The following BCL2L13 variants were observed in gnomAD, a reference collection of about 807,000 sequenced individuals.
BCL2L13 encodes the protein BCL2 like 13.
A neutral mutation model predicts 25.8 loss-of-function variants in BCL2L13; 13 were observed. The ratio of observed to expected loss-of-function variants is 0.50; its 90% CI spans 0.33 to 0.80. The LOEUF (loss-of-function observed/expected upper bound fraction) is 0.80, where lower values mean the gene tolerates loss of function less well. Ranked by LOEUF, BCL2L13 falls within the 30% of genes least tolerant of loss-of-function variation. The pLI is 0.02. For missense variants in BCL2L13, 504 were observed against 574.9 expected (o/e 0.88, Z 1.26); for synonymous variants, 244 against 230.3 (o/e 1.06, Z -0.54).
intron 3 of BCL2L13, among the ~76,000 whole-genome samples, chr22:17,685,536 T>C (rs1027606528): frequency 1.3e-5 from 2 of 152,076 alleles, no homozygotes; most frequent in African/African-American, 4.8e-5. Flanking sequence ...CTTAGCATAA[T>C]GTTTTCAAGG....
At chr22:17,680,600 G>C (rs946983150) in intron 2 of BCL2L13, among the ~76,000 whole-genome samples, 2 of 149,342 alleles carry the variant, frequency 1.3e-5, no homozygotes, top group Non-Finnish European at 3.0e-5. Context: ...AGGAGGAAGG[G>C]TTCTCCAGCT....
intron 2 of BCL2L13, among the ~76,000 whole-genome samples, chr22:17,673,357 CTTTCT>C (rs1055569857): frequency 2.4e-5 from 3 of 124,644 alleles, no homozygotes; most frequent in African/African-American, 8.9e-5. Context: ...ATTTTCTTTT[CTTTCT>C]TTTTTTTTTT....
intron 6 of BCL2L13, among the ~76,000 whole-genome samples, chr22:17,722,726 A>G (rs1370659520): frequency 2.8e-4 from 42 of 152,208 alleles, no homozygotes; most frequent in Admixed American, 2.7e-3. Context: ...AATTTCCATA[A>G]GAAAAAACCT....
At chr22:17,667,363 G>A (rs1051413356) in intron 2 of BCL2L13, among the ~76,000 whole-genome samples, 1 of 152,062 alleles carries the variant, frequency 6.6e-6, no homozygotes, top group African/African-American at 2.4e-5. Context: ...GTACAGATGG[G>A]TTTCGCCATG....
At chr22:17,650,650 A>G (rs1243946502) in intron 1 of BCL2L13, among the ~76,000 whole-genome samples, 5 of 152,124 alleles carry the variant, frequency 3.3e-5, no homozygotes, top group Non-Finnish European at 7.3e-5. Context: ...ATTCTTTTAC[A>G]AACTATAGTC....
At chr22:17,684,950 T>TCCCC (rs2059875683) in intron 3 of BCL2L13, among the ~76,000 whole-genome samples, 2 of 152,140 alleles carry the variant, frequency 1.3e-5, no homozygotes, top group Non-Finnish European at 2.9e-5. Flanking sequence ...GCCAGGATGG[T>TCCCC]CTCGTTGATC....
chr22:17,702,103 T>TA (rs1452628089), intron 5 of BCL2L13, 140 bp from the exon 6 acceptor site: 1 of 664,090 alleles, frequency 1.5e-6, no homozygotes, highest in African/African-American at 1.9e-5. Flanking sequence ...TAATAGAAGT[T>TA]ACTGTTTTAT....
intron 1 of BCL2L13, among the ~76,000 whole-genome samples, chr22:17,641,237 C>T (rs1008504093): frequency 3.3e-5 from 5 of 152,294 alleles, no homozygotes; most frequent in African/African-American, 1.2e-4. Flanking sequence ...ATACAAAACA[C>T]AAGTGTTAAA....
chr22:17,709,377 C>T (rs1372225307), intron 6 of BCL2L13, among the ~76,000 whole-genome samples: 3 of 152,092 alleles, frequency 2.0e-5, no homozygotes, highest in Admixed American at 1.3e-4. Context: ...GGCAGATCAC[C>T]TGAAGTCCGG....
intron 6 of BCL2L13, among the ~76,000 whole-genome samples, chr22:17,722,198 G>A (rs553100294): frequency 1.3e-5 from 2 of 151,980 alleles, no homozygotes; most frequent in East Asian, 3.9e-4. Flanking sequence ...TCTAGTTCTG[G>A]ATTCTATTTT....
intron 6 of BCL2L13, among the ~76,000 whole-genome samples, chr22:17,720,249 G>A (rs1462802729): frequency 2.0e-5 from 3 of 151,080 alleles, no homozygotes; most frequent in Non-Finnish European, 4.4e-5. Flanking sequence ...GCTCACTGTA[G>A]CCTTGACCTC....
chr22:17,633,080 C>T (rs1417232942), intron 1 of BCL2L13, among the ~76,000 whole-genome samples: 3 of 152,068 alleles, frequency 2.0e-5, no homozygotes, highest in African/African-American at 7.2e-5. Context: ...TATTTTGAGA[C>T]ATTAGAAAAT....
At position 17,698,555 on chromosome 22, in the gene BCL2L13, T is replaced by TAAAAAA. The variant is rs1381220605; in HGVS notation, c.456+2345_456+2346insAAAAAA. 5.1e-5 allele frequency among the ~76,000 whole-genome samples: 5 copies of TAAAAAA among 97,752 alleles called. 1 individual carries two copies. Among genetic ancestry groups the TAAAAAA allele is most frequent in the Non-Finnish European group, 7.5e-5 (4 of 53,386 alleles). The allele number at this position is 97,752 out of a possible 152,430, so 64.1% of individuals were successfully genotyped here. A position where few individuals can be genotyped will look rare whatever the true frequency, so the allele number is the denominator to read the frequency against. ...GGGCAACATAGCAAGACCCTGTCTC[T>TAAAAAA]TAAAAAAAAAAAAAAAAAAAAAGCC... On this transcript the variant is annotated intron_variant, in intron 5 of 6. Coordinates refer to ENST00000317582, the MANE Select transcript of BCL2L13 (RefSeq NM_015367.4).
chr22:17,682,272 G>A (rs1401253590), intron 2 of BCL2L13, among the ~76,000 whole-genome samples: 2 of 152,312 alleles, frequency 1.3e-5, no homozygotes, highest in Non-Finnish European at 1.5e-5. Flanking sequence ...CAAAGAAATC[G>A]TTATGCCCAC....
chr22:17,635,259 C>T (rs138317783), upstream of BCL2L13, among the ~76,000 whole-genome samples: 1,493 of 152,010 alleles, frequency 9.8e-3, 32 homozygotes, highest in African/African-American at 0.033. Flanking sequence ...AAAAAAGGGC[C>T]GGGTGTGGTA....
At chr22:17,649,001 C>T (rs1307733236) in intron 1 of BCL2L13, among the ~76,000 whole-genome samples, 1 of 152,076 alleles carries the variant, frequency 6.6e-6, no homozygotes, top group East Asian at 1.9e-4. Context: ...GTGGTATTAT[C>T]ACAGGCTCAC....
chr22:17,654,866 C>T lies in BCL2L13; in HGVS notation c.-50-796C>T, dbSNP rs1268916796. ...CTTCCTGAGTAACTGGGACCATAGG[C>T]AGGCCCTACCACGCCCAGCTAATGT... On this transcript the variant is annotated intron_variant, in intron 1 of 6. Transcript: ENST00000317582. Among the ~76,000 whole-genome samples, 3 of 152,042 alleles carry T rather than the reference C, an allele frequency of 2.0e-5. No individual in the cohort carries two copies. The East Asian group carries it at 5.8e-4, about 29-fold the overall frequency.
chr22:17,706,554 C>A (rs2145732504), intron 6 of BCL2L13: 3 of 482,094 alleles, frequency 6.2e-6, no homozygotes, highest in Middle Eastern at 2.0e-3. Flanking sequence ...GTGAAAATGT[C>A]ACACTTTTAC....
upstream of BCL2L13, chr22:17,638,744 C>T (rs2058156533): frequency 1.6e-6 from 2 of 1,231,584 alleles, no homozygotes; most frequent in South Asian, 8.2e-5. Flanking sequence ...CGAAGGCACG[C>T]CGGGGTGACC....
Sources: gnomAD v4.1 joint callset for allele counts (sites outside exome capture counted in the v4.1 genomes callset) on GRCh38, gnomAD v4.1.1 for gene constraint, MANE v1.5 for transcripts, NCBI Gene and HGNC (gene_info 2026-07-23, HGNC 2026-07-21) for gene names.